GALR1: variants seen among roughly 807,000 people sequenced by gnomAD.
GALR1 encodes the protein galanin receptor type 1.
In GALR1, 11 loss-of-function variants were observed where a neutral mutation model predicts 17.9. That is an observed-to-expected ratio of 0.62 (90% confidence interval 0.39 to 1.02). GALR1 has a LOEUF of 1.02. GALR1 is among the 50% of genes least tolerant of loss of function. The probability of loss-of-function intolerance (pLI) is 0.01; values close to 1 mark genes in which losing one functional copy is unlikely to be tolerated. For synonymous variants in GALR1, 206 were observed against 205.7 expected, an observed-to-expected ratio of 1.00 and a Z score of -0.01; for missense variants, 441 against 456.9, an observed-to-expected ratio of 0.97 and a Z score of 0.32.
In GALR1 at chr18:77,271,623, TTC is replaced by T. The variant is rs1327780155; in HGVS notation, c.*2724_*2725del. On this transcript the variant is annotated 3_prime_UTR_variant, in exon 3 of 3. Coordinates refer to ENST00000299727, the MANE Select transcript of GALR1 (RefSeq NM_001480.4). ...AGACAGCTTCCCAAGGACACACTTT[TTC>T]TCCCAGCATCAGGTTGAGGGAGAAA... The T allele has an allele frequency of 6.6e-6, 1 of 152,202 alleles. No individual in the cohort carries two copies. Among genetic ancestry groups the T allele is most frequent in the Non-Finnish European group, 1.5e-5 (1 of 68,040 alleles). The allele number at this position is 152,202 out of a possible 1,614,324, so 9.4% of individuals were successfully genotyped here. A position where few individuals can be genotyped will look rare whatever the true frequency, so the allele number is the denominator to read the frequency against.
In GALR1 at chr18:77,251,036, C is replaced by G; in HGVS notation, c.488C>G (p.Ser163Cys). The change falls in exon 1 of 3, where the codon TCC (serine) becomes TGC (cysteine). Residue 163 changes from serine to cysteine, a missense_variant. Ser to Cys is a moderately radical substitution (Grantham distance 112). Coordinates refer to ENST00000299727, the MANE Select transcript of GALR1 (RefSeq NM_001480.4). Reference sequence around the variant, plus strand: ...GGCGTGGGCTGCATCTGGGCGCTGTCCATTGCCATGGCCTCGCCCGTGGCC... The same window carrying G: ...GGCGTGGGCTGCATCTGGGCGCTGTGCATTGCCATGGCCTCGCCCGTGGCC... The part of the protein sequence containing the change: ...LLGVGCIWAL[S>C]IAMASPVAYH... 6.2e-7 allele frequency: 1 copy of G among 1,606,396 alleles called. No individual in the cohort carries two copies. Among genetic ancestry groups the G allele is most frequent in the Non-Finnish European group, 8.5e-7 (1 of 1,179,888 alleles).
intron 1 of GALR1, among the ~76,000 whole-genome samples, chr18:77,252,959 TCACCAC>T (rs1912488840): frequency 5.0e-4 from 13 of 26,114 alleles, no homozygotes; most frequent in Non-Finnish European, 6.3e-4. Flanking sequence ...ATCACCACCA[TCACCAC>T]CACCATCACC....
intron 2 of GALR1, among the ~76,000 whole-genome samples, chr18:77,265,217 A>G (rs1159312127): frequency 6.6e-6 from 1 of 152,182 alleles, no homozygotes; most frequent in African/African-American, 2.4e-5. Context: ...TCCAAATAGG[A>G]GAAATTAGCC....
Position 77,270,044 on chromosome 18 carries a change from AT to A in GALR1, c.*1145del, listed in dbSNP as rs1913029775. The A allele has an allele frequency of 6.6e-6, 1 of 152,232 alleles. No individual in the cohort carries two copies. The highest frequency in any genetic ancestry group is 1.5e-5 in the Non-Finnish European group (1 of 68,050). 9.4% of individuals were successfully genotyped at this position (152,232 alleles called of 1,614,324 possible). A position where few individuals can be genotyped will look rare whatever the true frequency, so the allele number is the denominator to read the frequency against. On this transcript the variant is annotated 3_prime_UTR_variant, in exon 3 of 3. Transcript: ENST00000299727. ...TTAATTTGGGGTTAAAACCATCACC[AT>A]TTGAATTTCAAATGTAGTTTTCATG...
intron 1 of GALR1, among the ~76,000 whole-genome samples, chr18:77,252,676 C>A (rs1392173379): frequency 6.6e-6 from 1 of 151,886 alleles, no homozygotes; most frequent in Non-Finnish European, 1.5e-5. Flanking sequence ...GGTGAAACCC[C>A]GTCTCTACTA....
At chr18:77,268,082 A>G (rs767972112) in intron 2 of GALR1, among the ~76,000 whole-genome samples, 3 of 152,250 alleles carry the variant, frequency 2.0e-5, no homozygotes, top group Non-Finnish European at 4.4e-5. Flanking sequence ...ACATCGCTGC[A>G]TCAAGTAATT....
intron 1 of GALR1, among the ~76,000 whole-genome samples, chr18:77,255,307 C>T (rs1912560900): frequency 6.6e-6 from 1 of 152,228 alleles, no homozygotes; most frequent in South Asian, 2.1e-4. Context: ...TAAAACCCCA[C>T]ATTTTCATAT....
intron 2 of GALR1, among the ~76,000 whole-genome samples, chr18:77,262,051 T>C (rs1231952713): frequency 6.6e-6 from 1 of 152,118 alleles, no homozygotes; most frequent in African/African-American, 2.4e-5. Context: ...TGGCCTAGAA[T>C]GCCTGACCTC....
rs910990068 is a variant in GALR1 at position 77,250,045 on chromosome 18, G to C, written c.-504G>C. On this transcript the variant is annotated 5_prime_UTR_variant, in exon 1 of 3. Transcript: ENST00000299727. ...GCGGGGAGCCTTCTCTGCAGGAGCC[G>C]CACAGTGCACTGCTGCGCGCTGGGC... 2.0e-5 allele frequency among the ~76,000 whole-genome samples: 3 copies of C among 152,316 alleles called. No homozygotes were observed. Among genetic ancestry groups the C allele is most frequent in the East Asian group, 3.9e-4 (2 of 5,160 alleles).
chr18:77,255,610 A>G (rs1354373982), intron 1 of GALR1, among the ~76,000 whole-genome samples: 1 of 152,204 alleles, frequency 6.6e-6, no homozygotes, highest in African/African-American at 2.4e-5. Context: ...TTTTGGCACA[A>G]ACGCTGGCAA....
chr18:77,252,043 C>T (rs1441387372), intron 1 of GALR1, among the ~76,000 whole-genome samples: 6 of 152,238 alleles, frequency 3.9e-5, no homozygotes, highest in Admixed American at 2.0e-4. Flanking sequence ...GTTGAGGCGG[C>T]GGGTCTTCAC....
At chr18:77,261,290 A>G (rs747046043) in intron 2 of GALR1, among the ~76,000 whole-genome samples, 5 of 152,258 alleles carry the variant, frequency 3.3e-5, no homozygotes, top group Middle Eastern at 3.2e-3. Context: ...TCAAAAGATA[A>G]TGTTGAGATT....
rs1278623962 is a variant in GALR1, at chr18:77,273,888, G to T, written c.*4986G>T. 3 of 152,064 alleles carry T rather than the reference G, an allele frequency of 2.0e-5. No homozygotes were observed. The highest frequency in any genetic ancestry group is 4.4e-5 in the Non-Finnish European group (3 of 68,024). The allele number at this position is 152,064 out of a possible 1,614,324, so 9.4% of individuals were successfully genotyped here. On this transcript the variant is annotated 3_prime_UTR_variant, in exon 3 of 3. Coordinates refer to ENST00000299727, the MANE Select transcript of GALR1 (RefSeq NM_001480.4). The stretch of plus-strand genomic sequence containing the variant: ...CAAGTTGTGTAGCTCCAAATTCTCC[G>T]CAATTAGAGAAGGCACAGTAAAGAA...
At chr18:77,253,547 G>T (rs1912519056) in intron 1 of GALR1, among the ~76,000 whole-genome samples, 2 of 152,196 alleles carry the variant, frequency 1.3e-5, no homozygotes, top group South Asian at 4.1e-4. Context: ...GGAGTAAATT[G>T]AATTCAGCAT....
chr18:77,253,042 A>T (rs1029985813), intron 1 of GALR1, among the ~76,000 whole-genome samples: 1 of 143,876 alleles, frequency 7.0e-6, no homozygotes, highest in South Asian at 2.3e-4. Flanking sequence ...CATCACCACC[A>T]CCACCACCAC....
intron 2 of GALR1, among the ~76,000 whole-genome samples, chr18:77,266,177 G>T (rs982592072): frequency 1.3e-5 from 2 of 152,010 alleles, no homozygotes; most frequent in Admixed American, 6.6e-5. Flanking sequence ...AGATCTCTAG[G>T]GCAAGGGCAA....
At chr18:77,257,244 G>C (rs1397733316) in intron 2 of GALR1, among the ~76,000 whole-genome samples, 5 of 152,046 alleles carry the variant, frequency 3.3e-5, no homozygotes, top group African/African-American at 1.2e-4. Flanking sequence ...CAGTGGTAGA[G>C]AATTGGTTAT....
chr18:77,252,989 T>TC (rs1912497005), intron 1 of GALR1, among the ~76,000 whole-genome samples: 3 of 25,012 alleles, frequency 1.2e-4, no homozygotes, highest in Non-Finnish European at 2.6e-4. Context: ...ATCACCACCA[T>TC]CACCACCACC....
intron 2 of GALR1, among the ~76,000 whole-genome samples, chr18:77,260,430 C>T (rs1912805787): frequency 1.3e-5 from 2 of 152,290 alleles, no homozygotes; most frequent in South Asian, 4.1e-4. Context: ...CTCTAGGCCC[C>T]CATTCATAAG....
Sources: allele counts gnomAD v4.1 joint callset (sites outside exome capture counted in the v4.1 genomes callset), GRCh38; gene constraint gnomAD v4.1.1; transcripts MANE v1.5; gene names NCBI Gene and HGNC (gene_info 2026-07-23, HGNC 2026-07-21).